Variants in EPB41L4A observed in about 807,000 individuals in gnomAD.
EPB41L4A encodes the protein band 4.1-like protein 4A.
In EPB41L4A, 100 loss-of-function variants were observed where a neutral mutation model predicts 108.6. The ratio of observed to expected loss-of-function variants is 0.92; its 90% CI spans 0.78 to 1.09. The LOEUF (loss-of-function observed/expected upper bound fraction) is 1.09, where lower values mean the gene tolerates loss of function less well. EPB41L4A is among the 50% of genes least tolerant of loss of function. The probability of loss-of-function intolerance (pLI) is 0.00; values close to 1 mark genes in which losing one functional copy is unlikely to be tolerated. For synonymous variants in EPB41L4A, 319 were observed against 289.0 expected (o/e 1.10, Z -1.05); for missense variants, 1,030 against 842.7 (o/e 1.22, Z -2.75).
At chr5:112,405,062 C>T (rs542748949) in intron 1 of EPB41L4A, among the ~76,000 whole-genome samples, 121 of 152,334 alleles carry the variant, frequency 7.9e-4, no homozygotes, top group Non-Finnish European at 1.4e-3. Context: ...CTCTCTCACA[C>T]GAGTGGTGTG....
intron 1 of EPB41L4A, among the ~76,000 whole-genome samples, chr5:112,393,927 G>C (rs570614337): frequency 2.0e-5 from 3 of 152,042 alleles, no homozygotes; most frequent in Admixed American, 2.0e-4. Context: ...ATGCAAGGCT[G>C]GTTCAACATA....
chr5:112,297,412 T>C (rs1017687284), intron 2 of EPB41L4A, among the ~76,000 whole-genome samples: 4 of 152,302 alleles, frequency 2.6e-5, no homozygotes, highest in African/African-American at 7.2e-5. Context: ...AGTTTTTTCA[T>C]GTATTTGTTA....
At chr5:112,194,687 T>C (rs1179757409) in intron 16 of EPB41L4A, 42 bp from the exon 17 acceptor site, 2 of 1,402,712 alleles carry the variant, frequency 1.4e-6, no homozygotes, top group Non-Finnish European at 2.0e-6. Flanking sequence ...AACACACATT[T>C]ATAACTCACG....
At chr5:112,341,383 CTGTG>C (rs1321501983) in intron 1 of EPB41L4A, among the ~76,000 whole-genome samples, 4 of 152,292 alleles carry the variant, frequency 2.6e-5, no homozygotes, top group African/African-American at 9.6e-5. Context: ...CAAAAACATA[CTGTG>C]TGTGTATGTA....
chr5:112,204,523 G>C (rs750685676), intron 14 of EPB41L4A, 35 bp from the exon 15 acceptor site: 2 of 1,421,482 alleles, frequency 1.4e-6, no homozygotes, highest in Non-Finnish European at 2.0e-6. Context: ...AAAGAGCCCA[G>C]AGAGTTCCTG....
chr5:112,290,487 G>A (rs759263617), intron 2 of EPB41L4A, among the ~76,000 whole-genome samples: 1 of 152,188 alleles, frequency 6.6e-6, no homozygotes, highest in Non-Finnish European at 1.5e-5. Context: ...AGGGATCACA[G>A]ATTCCTTGAG....
rs144607387 is a variant in EPB41L4A, at chr5:112,278,547, T to C, written c.256+1725A>G. ...GATTACAGGCATAAGACACCACGAG[T>C]CTTATGCAAATTTTTAATATTGCAT... On this transcript the variant is annotated intron_variant, in intron 3 of 22. Coordinates refer to ENST00000261486, the MANE Select transcript of EPB41L4A (RefSeq NM_022140.5). Among the ~76,000 whole-genome samples the C allele has an allele frequency of 7.1e-3, 1,077 of 151,856 alleles. 8 individuals carry two copies. The highest frequency in any genetic ancestry group is 0.025 in the African/African-American group (1,027 of 41,400).
chr5:112,165,320 A>T (rs1365026929), intron 22 of EPB41L4A, among the ~76,000 whole-genome samples: 1 of 152,210 alleles, frequency 6.6e-6, no homozygotes, highest in Non-Finnish European at 1.5e-5. Context: ...TAATATACAA[A>T]GTTAGTCTGA....
chr5:112,177,942 GA>G (rs1414280512), intron 18 of EPB41L4A, among the ~76,000 whole-genome samples: 2 of 151,492 alleles, frequency 1.3e-5, no homozygotes, highest in Non-Finnish European at 2.9e-5. Flanking sequence ...CCAGAAAAAA[GA>G]ACAAGATGGT....
At chr5:112,283,404 T>C (rs764314262) in intron 2 of EPB41L4A, among the ~76,000 whole-genome samples, 2 of 152,202 alleles carry the variant, frequency 1.3e-5, no homozygotes, top group African/African-American at 2.4e-5. Context: ...AAGGGAAAGA[T>C]GTGACCTTGG....
At position 112,208,849 on chromosome 5, in the gene EPB41L4A, T is replaced by C. The variant is rs182077668; in HGVS notation, c.1178+1043A>G. On this transcript the variant is annotated intron_variant, in intron 13 of 22. Transcript: ENST00000261486. Reference sequence around the variant, plus strand: ...TGCTGAACATACCACAAGCATACCCTGTACATACAGATGAAGCTGAATCTC... The same window carrying C: ...TGCTGAACATACCACAAGCATACCCCGTACATACAGATGAAGCTGAATCTC... Among the ~76,000 whole-genome samples the C allele has an allele frequency of 1.8e-4, 27 of 152,318 alleles. 1 individual carries two copies. Among genetic ancestry groups the C allele is most frequent in the African/African-American group, 6.5e-4 (27 of 41,582 alleles).
intron 12 of EPB41L4A, among the ~76,000 whole-genome samples, chr5:112,218,078 G>A (rs973371250): frequency 3.3e-5 from 5 of 152,170 alleles, no homozygotes; most frequent in African/African-American, 1.2e-4. Flanking sequence ...GAGCTACAGG[G>A]TGTGGAGGTA....
Position 112,307,402 on chromosome 5 carries a change from T to A in EPB41L4A, c.188A>T (p.Asp63Val), listed in dbSNP as rs1459614926. ...EIDYFGLRYCDRSHQTYWLDP... is the reference protein window; with the variant it reads ...EIDYFGLRYCVRSHQTYWLDP... ...CTTACTCACCGTCTGATGGCTTCTG[T>A]CACAGTAACGTAGCCCAAAATAATC... Residue 63 changes from aspartate to valine, a missense_variant, in exon 2 of 23, where the codon GAC becomes GTC. Asp to Val is a radical substitution (Grantham distance 152, BLOSUM62 -3). Coordinates refer to ENST00000261486, the MANE Select transcript of EPB41L4A (RefSeq NM_022140.5). The A allele has an allele frequency of 3.7e-6, 6 of 1,611,642 alleles. No homozygotes were observed. Among genetic ancestry groups the A allele is most frequent in the South Asian group, 1.1e-5 (1 of 90,948 alleles).
rs950840821 is a variant in EPB41L4A, at chr5:112,398,789, A to G, written c.99+20152T>C. 3.9e-5 allele frequency among the ~76,000 whole-genome samples: 6 copies of G among 152,226 alleles called. No individual in the cohort carries two copies. The East Asian group carries it at 1.2e-3, about 29-fold the overall frequency. Reference sequence around the variant, plus strand: ...AGCTAGCCCCTGTGAGTATTAACAAAATAAGACTGCCAATCTTATTCGAGT... The same window carrying G: ...AGCTAGCCCCTGTGAGTATTAACAAGATAAGACTGCCAATCTTATTCGAGT... On this transcript the variant is annotated intron_variant, in intron 1 of 22. Transcript: ENST00000261486.
At chr5:112,277,180 G>A (rs1193319892) in intron 3 of EPB41L4A, among the ~76,000 whole-genome samples, 1 of 152,130 alleles carries the variant, frequency 6.6e-6, no homozygotes, top group Non-Finnish European at 1.5e-5. Context: ...CAGGCAGCTG[G>A]GGTTGGTACC....
Position 112,317,631 on chromosome 5 carries a change from G to A in EPB41L4A, c.100-10141C>T, listed in dbSNP as rs146113792. ...TCTCACAATCATAGAGTTTTCTAGC[G>A]GTCACAGGGCATATCACAACAGATG... On this transcript the variant is annotated intron_variant, in intron 1 of 22. Transcript: ENST00000261486. Among the ~76,000 whole-genome samples, 421 of 152,126 alleles carry A rather than the reference G, an allele frequency of 2.8e-3. 3 individuals carry two copies. The highest frequency in any genetic ancestry group is 9.4e-3 in the African/African-American group (389 of 41,480).
At chr5:112,182,303 C>G (rs1682295148) in intron 18 of EPB41L4A, among the ~76,000 whole-genome samples, 1 of 152,098 alleles carries the variant, frequency 6.6e-6, no homozygotes, top group Non-Finnish European at 1.5e-5. Flanking sequence ...GAACCTCCGA[C>G]CACTTGACTA....
At chr5:112,240,472 C>G (rs1749689498) in intron 10 of EPB41L4A, among the ~76,000 whole-genome samples, 1 of 152,104 alleles carries the variant, frequency 6.6e-6, no homozygotes, top group Admixed American at 6.6e-5. Context: ...AAAATATTAC[C>G]TCGATCCTTT....
At chr5:112,225,678 T>TCCCA (rs1423521060) in intron 12 of EPB41L4A, among the ~76,000 whole-genome samples, 1 of 152,192 alleles carries the variant, frequency 6.6e-6, no homozygotes, top group Non-Finnish European at 1.5e-5. Context: ...ATGCATACTT[T>TCCCA]CCCACCCAAT....
Sources: gnomAD v4.1 joint callset for allele counts (sites outside exome capture counted in the v4.1 genomes callset) on GRCh38, gnomAD v4.1.1 for gene constraint, MANE v1.5 for transcripts, NCBI Gene and HGNC (gene_info 2026-07-23, HGNC 2026-07-21) for gene names.